Variants in TMC1 observed in about 807,000 individuals in gnomAD.
TMC1 encodes transmembrane channel like 1.
TMC1 carries 84 observed loss-of-function variants against 105.8 expected under a neutral mutation model. The ratio of observed to expected loss-of-function variants is 0.79; its 90% CI spans 0.67 to 0.95. The LOEUF (loss-of-function observed/expected upper bound fraction) is 0.95. Ranked by LOEUF, TMC1 falls within the 40% of genes least tolerant of loss-of-function variation. The pLI is 0.00. For synonymous variants in TMC1, 315 were observed against 311.5 expected (o/e 1.01, Z -0.12); for missense variants, 817 against 914.1 (o/e 0.89, Z 1.37).
At chr9:72,654,471 CTAT>C (rs1825856057) in intron 5 of TMC1, among the ~76,000 whole-genome samples, 1 of 151,868 alleles carries the variant, frequency 6.6e-6, no homozygotes, top group African/African-American at 2.4e-5. Flanking sequence ...TCCATTTTCA[CTAT>C]TGGTATATTA....
intron 1 of TMC1, among the ~76,000 whole-genome samples, chr9:72,542,962 A>T (rs891691373): frequency 6.6e-6 from 1 of 151,970 alleles, no homozygotes; most frequent in Admixed American, 6.6e-5. Context: ...TACAGATATG[A>T]GCCACCGCAC....
At chr9:72,609,785 C>A (rs1234542829) in intron 2 of TMC1, among the ~76,000 whole-genome samples, 1 of 152,040 alleles carries the variant, frequency 6.6e-6, no homozygotes, top group Non-Finnish European at 1.5e-5. Context: ...TTCCTTTTTA[C>A]ATGTCTTTTT....
chr9:72,610,359 G>A (rs753589530), intron 2 of TMC1, among the ~76,000 whole-genome samples: 4 of 152,168 alleles, frequency 2.6e-5, no homozygotes, highest in South Asian at 2.1e-4. Flanking sequence ...ACCTACAGTC[G>A]GCAAGCTAGA....
intron 1 of TMC1, among the ~76,000 whole-genome samples, chr9:72,536,498 A>C (rs2132061034): frequency 6.6e-6 from 1 of 152,106 alleles, no homozygotes; most frequent in African/African-American, 2.4e-5. Flanking sequence ...ATGCCTGGCT[A>C]ATTTTTTGTA....
intron 10 of TMC1, among the ~76,000 whole-genome samples, chr9:72,744,182 C>A (rs575935956): frequency 6.6e-6 from 1 of 152,310 alleles, no homozygotes; most frequent in African/African-American, 2.4e-5. Context: ...CCACACATTC[C>A]CAGTGCCATT....
rs186559856 is a variant in TMC1 at position 72,547,515 on chromosome 9, T to C, written c.-428+25602T>C. ...AGCATTGCCATGTCCTTGGTCATGA[T>C]AGAGGTTCATGTCCAGCATATCACA... On this transcript the variant is annotated intron_variant, in intron 1 of 23. Coordinates refer to ENST00000297784, the MANE Select transcript of TMC1 (RefSeq NM_138691.3). Among the ~76,000 whole-genome samples the C allele has an allele frequency of 5.3e-5, 8 of 152,304 alleles. No individual in the cohort carries two copies. In the East Asian group the frequency reaches 1.5e-3, roughly 29 times the overall value.
At chr9:72,777,442 T>C (rs1828023936) in intron 13 of TMC1, among the ~76,000 whole-genome samples, 1 of 152,214 alleles carries the variant, frequency 6.6e-6, no homozygotes, top group Admixed American at 6.5e-5. Context: ...TTGATGTATG[T>C]AATGATGAAT....
chr9:72,682,516 T>C (rs1279963464), intron 5 of TMC1, among the ~76,000 whole-genome samples: 1 of 152,234 alleles, frequency 6.6e-6, no homozygotes, highest in East Asian at 1.9e-4. Context: ...GGGATTGTTA[T>C]AAACAAATGG....
Position 72,772,557 on chromosome 9 carries a change from T to G in TMC1, c.884+2T>G. The G allele has an allele frequency of 6.2e-7, 1 of 1,613,810 alleles. No homozygotes were observed. Among genetic ancestry groups the G allele is most frequent in the Non-Finnish European group, 8.5e-7 (1 of 1,179,718 alleles). On this transcript the variant is annotated splice_donor_variant, in intron 13 of 23. Transcript: ENST00000297784. LOFTEE classifies it high-confidence loss of function. ...CAGCTTTCTGGTTGTCCTCAAAGCG[T>G]AAGTTTCATTTGTCTTTTGGGAAGC... is the stretch of plus-strand genomic sequence containing the variant.
At chr9:72,762,173 G>A (rs931635026) in intron 12 of TMC1, among the ~76,000 whole-genome samples, 4 of 152,150 alleles carry the variant, frequency 2.6e-5, no homozygotes, top group African/African-American at 7.2e-5. Flanking sequence ...CCAGGCTAAC[G>A]GTGAGTCTCT....
chr9:72,650,305 T>C (rs1825780048), intron 5 of TMC1, among the ~76,000 whole-genome samples: 1 of 152,154 alleles, frequency 6.6e-6, no homozygotes, highest in Admixed American at 6.6e-5. Flanking sequence ...AAAAAAATGA[T>C]AGACTTGCCT....
chr9:72,599,883 A>T (rs1409635382), intron 2 of TMC1, among the ~76,000 whole-genome samples: 2 of 152,236 alleles, frequency 1.3e-5, no homozygotes, highest in Non-Finnish European at 2.9e-5. Context: ...AAGTTAAGCA[A>T]AAGTCTTGCT....
intron 17 of TMC1, among the ~76,000 whole-genome samples, chr9:72,798,855 G>T (rs917165540): frequency 6.6e-6 from 1 of 151,554 alleles, no homozygotes; most frequent in African/African-American, 2.4e-5. Flanking sequence ...TTTTTTAATG[G>T]ATAATTTGGG....
intron 12 of TMC1, among the ~76,000 whole-genome samples, chr9:72,764,237 G>A (rs1827796871): frequency 1.3e-5 from 2 of 151,782 alleles, no homozygotes; most frequent in Non-Finnish European, 2.9e-5. Flanking sequence ...TAATACCAAG[G>A]CATCTCCCAG....
chr9:72,723,054 A>C (rs1827056093), intron 8 of TMC1, among the ~76,000 whole-genome samples: 1 of 152,222 alleles, frequency 6.6e-6, no homozygotes, highest in African/African-American at 2.4e-5. Context: ...TCTATAATCA[A>C]CTATGAAATG....
chr9:72,564,555 T>C (rs1314108167), intron 1 of TMC1, among the ~76,000 whole-genome samples: 1 of 152,236 alleles, frequency 6.6e-6, no homozygotes, highest in Non-Finnish European at 1.5e-5. Flanking sequence ...CTGCTTTTAA[T>C]GTTTGATGTG....
rs531069755 is a variant in TMC1 at position 72,578,559 on chromosome 9, C to G, written c.-306+536C>G. 1.2e-4 allele frequency among the ~76,000 whole-genome samples: 18 copies of G among 152,252 alleles called. 1 individual carries two copies. The South Asian group carries it at 3.7e-3, about 32-fold the overall frequency. ...TTAGTTACAGATCTTGGCAATGGGG[C>G]AGGCAGAGGGAGCGGCAACTACAGA... On this transcript the variant is annotated intron_variant, in intron 2 of 23. Transcript: ENST00000297784.
intron 2 of TMC1, among the ~76,000 whole-genome samples, chr9:72,610,537 A>C (rs1825007196): frequency 6.6e-6 from 1 of 152,224 alleles, no homozygotes; most frequent in Non-Finnish European, 1.5e-5. Flanking sequence ...CAGCTCAAAC[A>C]TAGTGAGACA....
At chr9:72,639,995 T>C (rs1267353774) in intron 4 of TMC1, among the ~76,000 whole-genome samples, 6 of 152,216 alleles carry the variant, frequency 3.9e-5, no homozygotes, top group African/African-American at 1.4e-4. Flanking sequence ...AAAAGCATCA[T>C]GCGACCAATA....
Sources: gnomAD v4.1 joint callset for allele counts (sites outside exome capture counted in the v4.1 genomes callset) on GRCh38, gnomAD v4.1.1 for gene constraint, MANE v1.5 for transcripts, NCBI Gene and HGNC (gene_info 2026-07-23, HGNC 2026-07-21) for gene names.